KCTD21: variants seen among roughly 807,000 people sequenced by gnomAD.
The protein encoded by KCTD21 is potassium channel tetramerization domain containing 21.
A neutral mutation model predicts 13.2 loss-of-function variants in KCTD21; 9 were observed. The observed-to-expected ratio is 0.68, with a 90% CI of 0.41 to 1.19. The LOEUF (loss-of-function observed/expected upper bound fraction) is 1.19, where lower values mean the gene tolerates loss of function less well. Among genes scored for constraint, KCTD21 ranks in the 50% most tolerant of loss-of-function variants. The probability of loss-of-function intolerance (pLI) is 0.01; values close to 1 mark genes in which losing one functional copy is unlikely to be tolerated. For synonymous variants in KCTD21, 142 were observed against 137.4 expected, an observed-to-expected ratio of 1.03 and a Z score of -0.23; for missense variants, 303 against 336.5, an observed-to-expected ratio of 0.90 and a Z score of 0.78.
At position 78,174,550 on chromosome 11, in the gene KCTD21, G is replaced by A; in HGVS notation, c.5C>T (p.Ser2Phe). The A allele has an allele frequency of 6.2e-7, 1 of 1,609,548 alleles. No homozygotes were observed. The highest frequency in any genetic ancestry group is 8.5e-7 in the Non-Finnish European group (1 of 1,177,432). ...CCCGACGTTCAGCGTGATGGGGTCG[G>A]ACATGGCAGGAGACTGGGTTGCTGG... M[S>F]DPITLNVGGK... is the part of the protein sequence containing the mutation. The change falls in exon 2 of 2, where the codon TCC becomes TTC. Residue 2 changes from serine to phenylalanine, a missense_variant. Ser to Phe is a radical substitution (Grantham distance 155). Transcript: ENST00000340067.
At chr11:78,183,517 C>A (rs964978723) in intron 1 of KCTD21, among the ~76,000 whole-genome samples, 9 of 151,070 alleles carry the variant, frequency 6.0e-5, no homozygotes, top group Admixed American at 1.3e-4. Context: ...GCCAGGGCAA[C>A]AGAGTGAGAC....
rs1862321053 is a variant in KCTD21, at chr11:78,172,922, A to T, written c.*850T>A. ...GGGAGGACTAAGCAATCATCGAATT[A>T]TTTCCAACCCTGAGAATCCGTAATA... On this transcript the variant is annotated 3_prime_UTR_variant, in exon 2 of 2. Transcript: ENST00000340067. 1 of 152,596 alleles carries T rather than the reference A, an allele frequency of 6.6e-6. No homozygotes were observed. The highest frequency in any genetic ancestry group is 1.5e-5 in the Non-Finnish European group (1 of 68,038). The allele number at this position is 152,596 out of a possible 1,614,324, so 9.5% of individuals were successfully genotyped here.
At chr11:78,185,797 G>A (rs1469568892) in intron 1 of KCTD21, among the ~76,000 whole-genome samples, 1 of 151,908 alleles carries the variant, frequency 6.6e-6, no homozygotes. Context: ...TCACCACGTT[G>A]GCCAGGCTGG....
chr11:78,177,005 C>A (rs1270643836), intron 1 of KCTD21: 2 of 152,220 alleles, frequency 1.3e-5, no homozygotes, highest in Non-Finnish European at 2.9e-5. Context: ...AGAGGGAGAT[C>A]CGGTCTCAAA....
intron 1 of KCTD21, among the ~76,000 whole-genome samples, chr11:78,178,345 G>A (rs1266424409): frequency 1.3e-5 from 2 of 152,054 alleles, no homozygotes; most frequent in African/African-American, 4.8e-5. Context: ...GGCCAGGATG[G>A]TCTCGATCTC....
intron 1 of KCTD21, chr11:78,175,220 G>A (rs2136991832): frequency 6.6e-6 from 1 of 151,970 alleles, no homozygotes; most frequent in South Asian, 2.1e-4. Flanking sequence ...CTGTTCAGGA[G>A]GCTGGGGCAG....
chr11:78,187,134 G>C (rs1862803151), intron 1 of KCTD21: 1 of 985,386 alleles, frequency 1.0e-6, no homozygotes, highest in Non-Finnish European at 1.2e-6. Flanking sequence ...GCACGTGGCT[G>C]GGTAAATTTC....
At chr11:78,179,008 C>A (rs1862538388) in intron 1 of KCTD21, among the ~76,000 whole-genome samples, 1 of 152,112 alleles carries the variant, frequency 6.6e-6, no homozygotes, top group Non-Finnish European at 1.5e-5. Context: ...TAGCCACAGA[C>A]TAAATCCTTC....
Position 78,174,537 on chromosome 11 carries a change from C to G in KCTD21, c.18G>C (p.Thr6=). The G allele has an allele frequency of 6.2e-7, 1 of 1,612,124 alleles. No homozygotes were observed. The highest frequency in any genetic ancestry group is 1.1e-5 in the South Asian group (1 of 90,938). Residue 6 remains threonine, a synonymous_variant, in exon 2 of 2, where the codon ACG becomes ACC. Transcript: ENST00000340067. The stretch of plus-strand genomic sequence containing the variant: ...TATAGAGCTTCCCCCCGACGTTCAG[C>G]GTGATGGGGTCGGACATGGCAGGAG... MSDPI[T]LNVGGKLYTT...
intron 1 of KCTD21, among the ~76,000 whole-genome samples, chr11:78,180,468 C>T (rs539430464): frequency 6.6e-6 from 1 of 152,310 alleles, no homozygotes; most frequent in South Asian, 2.1e-4. Flanking sequence ...CAAGAACAGC[C>T]TGGCCGACAT....
chr11:78,174,165 T>A lies in KCTD21; in HGVS notation c.390A>T (p.Ala130=). 1 of 1,613,924 alleles carries A rather than the reference T, an allele frequency of 6.2e-7. No homozygotes were observed. The highest frequency in any genetic ancestry group is 8.5e-7 in the Non-Finnish European group (1 of 1,179,984). Residue 130 remains alanine (A), a synonymous_variant, in exon 2 of 2, where the codon GCA becomes GCT. Coordinates refer to ENST00000340067, the MANE Select transcript of KCTD21 (RefSeq NM_001029859.3). ...AAGAGGAGAGGCTGTAGATCTGGGG[T>A]GCCTCGCGCACAGTGAAGTGGACCG... ...VQTVHFTVRE[A]PQIYSLSSSS... is the part of the protein sequence containing the mutation.
chr11:78,187,300 G>A, intron 1 of KCTD21: 1 of 985,314 alleles, frequency 1.0e-6, no homozygotes, highest in Non-Finnish European at 1.2e-6. Context: ...TCAAAGAGCT[G>A]CGTCTATAAT....
chr11:78,180,014 G>A (rs1442625438), intron 1 of KCTD21, among the ~76,000 whole-genome samples: 1 of 151,832 alleles, frequency 6.6e-6, no homozygotes, highest in African/African-American at 2.4e-5. Context: ...TCCATATGGG[G>A]AAAAAAAGAA....
intron 1 of KCTD21, among the ~76,000 whole-genome samples, chr11:78,181,598 G>T (rs533623): frequency 0.13 from 19,592 of 152,136 alleles, 1,354 homozygotes; most frequent in Non-Finnish European, 0.16. Flanking sequence ...ATGTGGTGGT[G>T]GTCAAATGTG....
intron 1 of KCTD21, chr11:78,177,994 A>G (rs1394320097): frequency 6.6e-6 from 1 of 152,046 alleles, no homozygotes; most frequent in African/African-American, 2.4e-5. Flanking sequence ...GTCTGGGGAG[A>G]GCAGCACAGT....
Position 78,173,791 on chromosome 11 carries a change from C to G in KCTD21, c.764G>C (p.Arg255Pro). The G allele has an allele frequency of 6.2e-7, 1 of 1,613,030 alleles. No individual in the cohort carries two copies. The highest frequency in any genetic ancestry group is 1.3e-5 in the African/African-American group (1 of 75,014). ...ALDFMNNKII[R>P]LIRYR ...GTCCTTTTACCTGTACCGTATTAAT[C>G]GAATAATCTTATTGTTCATAAAATC... Residue 255 changes from arginine (R) to proline (P), a missense_variant, in exon 2 of 2, where the codon CGA (arginine) becomes CCA (proline). Arg to Pro is a moderately radical substitution (Grantham distance 103, BLOSUM62 -2). Transcript: ENST00000340067.
intron 1 of KCTD21, among the ~76,000 whole-genome samples, chr11:78,184,698 G>T (rs1042009411): frequency 3.3e-5 from 5 of 152,016 alleles, no homozygotes; most frequent in Non-Finnish European, 7.4e-5. Flanking sequence ...TGTACATCTT[G>T]ACTGGATCTG....
chr11:78,184,063 G>A (rs1472986846), intron 1 of KCTD21, among the ~76,000 whole-genome samples: 1 of 152,204 alleles, frequency 6.6e-6, no homozygotes, highest in African/African-American at 2.4e-5. Context: ...TGGTGTGAAA[G>A]GTTATCAGGA....
chr11:78,186,821 G>A lies in KCTD21; in HGVS notation c.-30+1752C>T, dbSNP rs1862789293. 7.1e-6 allele frequency: 7 copies of A among 985,398 alleles called. No homozygotes were observed. In the South Asian group the frequency reaches 2.3e-4, roughly 33 times the overall value. The allele number at this position is 985,398 out of a possible 1,614,324, so 61.0% of individuals were successfully genotyped here. On this transcript the variant is annotated intron_variant, in intron 1 of 1. Coordinates refer to ENST00000340067, the MANE Select transcript of KCTD21 (RefSeq NM_001029859.3). ...TTCATTCCTTCTCCTCTGCATCTGC[G>A]GAGAATTTTAGTCTAACCCCTTACC...
Sources: gnomAD v4.1 joint callset for allele counts (sites outside exome capture counted in the v4.1 genomes callset) on GRCh38, gnomAD v4.1.1 for gene constraint, MANE v1.5 for transcripts, NCBI Gene and HGNC (gene_info 2026-07-23, HGNC 2026-07-21) for gene names.